TMEM236: variants seen among roughly 807,000 people sequenced by gnomAD.
The protein encoded by TMEM236 is transmembrane protein 236.
Under a neutral mutation model 14.7 loss-of-function variants are expected in TMEM236, and 11 were observed. The ratio of observed to expected loss-of-function variants is 0.75; its 90% CI spans 0.47 to 1.24. The LOEUF (loss-of-function observed/expected upper bound fraction) is 1.24, where lower values mean the gene tolerates loss of function less well. Ranked by LOEUF, TMEM236 falls within the 50% of genes most tolerant of loss-of-function variation. TMEM236 has a pLI of 0.00. For missense variants in TMEM236, 464 were observed against 427.3 expected (o/e 1.09, Z -0.76); for synonymous variants, 182 against 168.6 (o/e 1.08, Z -0.62).
At chr10:17,776,238 T>C (rs1321924587) in intron 3 of TMEM236, 68 bp downstream of exon 3, 2 of 1,434,506 alleles carry the variant, frequency 1.4e-6, no homozygotes, top group Admixed American at 1.7e-5. Context: ...TGCCACTGTG[T>C]TATCTGACAA....
At chr10:17,766,277 G>A (rs1332686384) in intron 1 of TMEM236, among the ~76,000 whole-genome samples, 1 of 152,114 alleles carries the variant, frequency 6.6e-6, no homozygotes, top group Non-Finnish European at 1.5e-5. Context: ...TTACTTACAA[G>A]TTCTACTTTC....
intron 1 of TMEM236, among the ~76,000 whole-genome samples, chr10:17,770,925 A>T (rs1192511760): frequency 1.3e-5 from 2 of 152,220 alleles, no homozygotes; most frequent in African/African-American, 2.4e-5. Flanking sequence ...TATAAATTTT[A>T]CAACATGGGA....
intron 2 of TMEM236, among the ~76,000 whole-genome samples, chr10:17,774,019 A>G (rs1012537563): frequency 2.2e-4 from 23 of 103,162 alleles, no homozygotes; most frequent in Admixed American, 1.2e-3. Flanking sequence ...AATCTTTCAT[A>G]TATATATATT....
At chr10:17,781,575 G>T (rs913657936) in intron 3 of TMEM236, among the ~76,000 whole-genome samples, 1 of 151,780 alleles carries the variant, frequency 6.6e-6, no homozygotes, top group African/African-American at 2.4e-5. Flanking sequence ...GTGAAACCCC[G>T]TTTCTACTAA....
intron 1 of TMEM236, among the ~76,000 whole-genome samples, chr10:17,752,815 C>T (rs1378692480): frequency 6.6e-6 from 1 of 152,092 alleles, no homozygotes; most frequent in Non-Finnish European, 1.5e-5. Context: ...GATCTGCCTG[C>T]CTCAGCCTCC....
Position 17,796,472 on chromosome 10 carries a change from ATT to A in TMEM236, c.1029_1030del (p.Ser344CysfsTer3). ...CTTCAATTACCTAACCAGAATCAGG[ATT>A]TTTTCTGCCTTTGAAATGTCTCCAT... ...IYFNYLTRIR[I>X]FSAFEMSPF On this transcript the variant is annotated frameshift_variant, in exon 4 of 4. Transcript: ENST00000377495. LOFTEE classifies it high-confidence loss of function. 1.2e-6 allele frequency: 2 copies of A among 1,612,804 alleles called. No homozygotes were observed. Among genetic ancestry groups the A allele is most frequent in the Non-Finnish European group, 1.7e-6 (2 of 1,179,632 alleles).
chr10:17,754,740 A>G (rs1837258649), intron 1 of TMEM236, among the ~76,000 whole-genome samples: 1 of 152,228 alleles, frequency 6.6e-6, no homozygotes, highest in Non-Finnish European at 1.5e-5. Context: ...TCAGGATTTA[A>G]TGTTAATTTA....
At chr10:17,754,485 C>T (rs71495300) in intron 1 of TMEM236, among the ~76,000 whole-genome samples, 14,547 of 151,948 alleles carry the variant, frequency 0.096, 1,120 homozygotes, top group East Asian at 0.41. Flanking sequence ...CCACCACACC[C>T]GGCTACTTTT....
Position 17,771,375 on chromosome 10 carries a change from G to C in TMEM236, c.324G>C (p.Val108=). 1 of 1,613,698 alleles carries C rather than the reference G, an allele frequency of 6.2e-7. No individual in the cohort carries two copies. Among genetic ancestry groups the C allele is most frequent in the Non-Finnish European group, 8.5e-7 (1 of 1,179,652 alleles). Residue 108 remains valine, a synonymous_variant, in exon 2 of 4, where the codon GTG becomes GTC. Coordinates refer to ENST00000377495, the MANE Select transcript of TMEM236 (RefSeq NM_001098844.3). ...TLPCLTFSIA[V]TEVQKSINGS... ...CCTGCCTCACCTTTTCCATAGCAGTGACTGAGGTATGGAATTTTTGATTTC... is the reference window on the plus strand; with the variant it reads ...CCTGCCTCACCTTTTCCATAGCAGTCACTGAGGTATGGAATTTTTGATTTC...
chr10:17,762,814 C>G (rs1234543034), intron 1 of TMEM236, among the ~76,000 whole-genome samples: 3 of 151,292 alleles, frequency 2.0e-5, no homozygotes, highest in African/African-American at 7.3e-5. Flanking sequence ...ACTATGACAC[C>G]TGACTAATTT....
chr10:17,789,865 C>T (rs1185996911), intron 3 of TMEM236, among the ~76,000 whole-genome samples: 5 of 149,938 alleles, frequency 3.3e-5, no homozygotes, highest in Non-Finnish European at 5.9e-5. Flanking sequence ...ACTAAAAATA[C>T]AAAAAAAAAT....
intron 3 of TMEM236, among the ~76,000 whole-genome samples, chr10:17,778,636 T>G (rs924384732): frequency 1.4e-3 from 213 of 152,312 alleles, no homozygotes; most frequent in African/African-American, 3.8e-3. Flanking sequence ...AATATGTTCT[T>G]TGCTCTTTCC....
At position 17,796,223 on chromosome 10, in the gene TMEM236, A is replaced by C; in HGVS notation, c.775A>C (p.Asn259His). 6.2e-7 allele frequency: 1 copy of C among 1,613,964 alleles called. No individual in the cohort carries two copies. The highest frequency in any genetic ancestry group is 1.3e-5 in the African/African-American group (1 of 75,054). ...AATGGTGCGTGTGGCTGGTCACCCC[A>C]ACGTGTACAAGTCAAGCTGGCTATA... ...IEMVRVAGHP[N>H]VYKSSWLYPV... is the part of the protein sequence containing the mutation. Residue 259 changes from asparagine to histidine, a missense_variant, in exon 4 of 4, where the codon AAC (asparagine) becomes CAC (histidine). Asn to His is a moderately conservative substitution (Grantham distance 68, BLOSUM62 1). Coordinates refer to ENST00000377495, the MANE Select transcript of TMEM236 (RefSeq NM_001098844.3).
At chr10:17,776,447 G>T (rs1837659964) in intron 3 of TMEM236, among the ~76,000 whole-genome samples, 1 of 152,166 alleles carries the variant, frequency 6.6e-6, no homozygotes, top group Non-Finnish European at 1.5e-5. Flanking sequence ...ATTCCAGCAA[G>T]AAATTATCCA....
chr10:17,763,854 T>C (rs1837416572), intron 1 of TMEM236, among the ~76,000 whole-genome samples: 1 of 152,132 alleles, frequency 6.6e-6, no homozygotes, highest in Non-Finnish European at 1.5e-5. Context: ...AGAATTCATC[T>C]TTCACTTCCC....
intron 1 of TMEM236, among the ~76,000 whole-genome samples, chr10:17,758,574 A>T (rs1278501534): frequency 6.6e-6 from 1 of 152,250 alleles, no homozygotes; most frequent in Non-Finnish European, 1.5e-5. Flanking sequence ...AAGAAATTTC[A>T]TAAGATCATG....
Position 17,752,336 on chromosome 10 carries a change from T to A in TMEM236, c.41T>A (p.Leu14His). The A allele has an allele frequency of 6.2e-7, 1 of 1,613,820 alleles. No individual in the cohort carries two copies. The highest frequency in any genetic ancestry group is 8.5e-7 in the Non-Finnish European group (1 of 1,179,860). ...CTCATTAAGTTCGTGGTTTTTGAGC[T>A]CCTAGAGTTTGCCGCTTTCTCCATC... Reference protein sequence around the residue: ...GRLIKFVVFELLEFAAFSIPT... With the variant: ...GRLIKFVVFEHLEFAAFSIPT... Residue 14 changes from leucine (L) to histidine (H), a missense_variant, in exon 1 of 4, where the codon CTC (leucine) becomes CAC (histidine). Coordinates refer to ENST00000377495, the MANE Select transcript of TMEM236 (RefSeq NM_001098844.3).
chr10:17,766,292 C>G (rs1837462374), intron 1 of TMEM236, among the ~76,000 whole-genome samples: 1 of 152,156 alleles, frequency 6.6e-6, no homozygotes, highest in Non-Finnish European at 1.5e-5. Context: ...ACTTTCTATC[C>G]AACAGAGCAC....
At chr10:17,765,022 A>G (rs1416491802) in intron 1 of TMEM236, among the ~76,000 whole-genome samples, 3 of 151,728 alleles carry the variant, frequency 2.0e-5, no homozygotes, top group African/African-American at 7.3e-5. Context: ...GGATTTTACC[A>G]TGTTGGCAAG....
Sources: allele counts gnomAD v4.1 joint callset (sites outside exome capture counted in the v4.1 genomes callset), GRCh38; gene constraint gnomAD v4.1.1; transcripts MANE v1.5; gene names NCBI Gene and HGNC (gene_info 2026-07-23, HGNC 2026-07-21).